CNOT2: variants seen among roughly 807,000 people sequenced by gnomAD.
CNOT2 encodes the protein CC chemokine receptor 4-negative regulator of transcription 2.
Under a neutral mutation model 72.1 loss-of-function variants are expected in CNOT2, and 7 were observed. The observed-to-expected ratio is 0.10, with a 90% CI of 0.06 to 0.18. The LOEUF (loss-of-function observed/expected upper bound fraction) is 0.18, where lower values mean the gene tolerates loss of function less well. CNOT2 is among the 10% of genes least tolerant of loss of function. The pLI is 1.00. For missense variants in CNOT2, 345 were observed against 660.3 expected, an observed-to-expected ratio of 0.52 and a Z score of 5.23; for synonymous variants, 196 against 225.6, an observed-to-expected ratio of 0.87 and a Z score of 1.17.
chr12:70,339,377 G>T (rs1881187909), intron 11 of CNOT2, among the ~76,000 whole-genome samples: 1 of 151,844 alleles, frequency 6.6e-6, no homozygotes, highest in Non-Finnish European at 1.5e-5. Flanking sequence ...TATTTTAACT[G>T]TTCTTCCAGA....
chr12:70,319,928 TGTA>T (rs916458468), intron 4 of CNOT2, among the ~76,000 whole-genome samples: 1 of 151,730 alleles, frequency 6.6e-6, no homozygotes, highest in African/African-American at 2.4e-5. Context: ...TTTAAAGTGT[TGTA>T]ATACTTTTAA....
intron 1 of CNOT2, among the ~76,000 whole-genome samples, chr12:70,253,971 G>T (rs1204126622): frequency 6.6e-6 from 1 of 152,110 alleles, no homozygotes. Context: ...AGGCGCAGTG[G>T]CTCACGCCTG....
At position 70,332,863 on chromosome 12, in the gene CNOT2, G is replaced by GC. The variant is rs1880152918; in HGVS notation, c.649+18dup. On this transcript the variant is annotated intron_variant, in intron 7 of 15. Transcript: ENST00000229195. ...ATGGAACAGGTAAGCTTATTCTGGAGCTAGTACCCTACAAAAAGTATGATA... is the reference window on the plus strand; with the variant it reads ...ATGGAACAGGTAAGCTTATTCTGGAGCCTAGTACCCTACAAAAAGTATGATA... The GC allele has an allele frequency of 2.5e-6, 4 of 1,574,496 alleles. No individual in the cohort carries two copies. The East Asian group carries it at 9.2e-5, about 36-fold the overall frequency.
At chr12:70,348,900 T>TATAC (rs1882537887) in intron 15 of CNOT2, among the ~76,000 whole-genome samples, 1 of 151,954 alleles carries the variant, frequency 6.6e-6, no homozygotes, top group African/African-American at 2.4e-5. Flanking sequence ...ATCTATCGTG[T>TATAC]ACAGTTGAGC....
At chr12:70,258,662 G>A (rs1958576325) in intron 1 of CNOT2, among the ~76,000 whole-genome samples, 1 of 152,244 alleles carries the variant, frequency 6.6e-6, no homozygotes, top group Admixed American at 6.5e-5. Flanking sequence ...TCTGACAGAT[G>A]GTGGTAAGGA....
intron 6 of CNOT2, 73 bp from the exon 7 acceptor site, chr12:70,332,692 TAC>T (rs1276770315): frequency 9.6e-6 from 14 of 1,464,258 alleles, no homozygotes; most frequent in Non-Finnish European, 1.3e-5. Flanking sequence ...AGACCAAAAA[TAC>T]ACACTTCTGT....
At chr12:70,270,532 C>T (rs1959192250) in intron 1 of CNOT2, among the ~76,000 whole-genome samples, 2 of 151,988 alleles carry the variant, frequency 1.3e-5, no homozygotes, top group Non-Finnish European at 2.9e-5. Context: ...AAATGTAAGT[C>T]CTAAGTTTTT....
Position 70,310,957 on chromosome 12 carries a change from C to A in CNOT2, c.111C>A (p.Tyr37Ter). 1 of 1,607,328 alleles carries A rather than the reference C, an allele frequency of 6.2e-7. No individual in the cohort carries two copies. Among genetic ancestry groups the A allele is most frequent in the Non-Finnish European group, 8.5e-7 (1 of 1,174,260 alleles). Reference protein sequence around the residue: ...KKFVEGVDSDYHDENMYYSQS... With the variant: ...KKFVEGVDSD Reference sequence around the variant, plus strand: ...TTGTAGAGGGGGTCGACAGTGACTACCATGACGAAAACATGTACTACAGCC... The same window carrying A: ...TTGTAGAGGGGGTCGACAGTGACTAACATGACGAAAACATGTACTACAGCC... The change falls in exon 3 of 16, where the codon TAC becomes TAA. Residue 37 changes from tyrosine (Y) to a stop codon, truncating the protein, a stop_gained. Coordinates refer to ENST00000229195, the MANE Select transcript of CNOT2 (RefSeq NM_014515.7). LOFTEE classifies it high-confidence loss of function.
At chr12:70,258,620 G>A (rs1958573196) in intron 1 of CNOT2, among the ~76,000 whole-genome samples, 1 of 152,210 alleles carries the variant, frequency 6.6e-6, no homozygotes. Context: ...ATATAGCAGT[G>A]TACAAAATAA....
At chr12:70,302,911 GTA>G (rs910626965) in intron 2 of CNOT2, among the ~76,000 whole-genome samples, 24 of 152,172 alleles carry the variant, frequency 1.6e-4, no homozygotes, top group Non-Finnish European at 5.9e-5. Context: ...TGTATTGGGT[GTA>G]TATATATTTA....
At chr12:70,266,471 T>G (rs759463239) in intron 1 of CNOT2, among the ~76,000 whole-genome samples, 7 of 152,190 alleles carry the variant, frequency 4.6e-5, no homozygotes, top group Non-Finnish European at 7.4e-5. Context: ...TGGTTAATGA[T>G]GGTGTTCTGT....
intron 2 of CNOT2, chr12:70,301,806 T>C (rs1213692177): frequency 6.6e-6 from 1 of 152,268 alleles, no homozygotes; most frequent in East Asian, 1.9e-4. Flanking sequence ...TACCAGCTCC[T>C]CCTTGTACCT....
At chr12:70,333,583 G>A (rs896191442) in intron 7 of CNOT2, among the ~76,000 whole-genome samples, 6 of 151,914 alleles carry the variant, frequency 3.9e-5, no homozygotes, top group Non-Finnish European at 7.4e-5. Flanking sequence ...AGGATTAAAT[G>A]TAAAGGAAGT....
chr12:70,305,476 A>G (rs1163622186), intron 2 of CNOT2, among the ~76,000 whole-genome samples: 1 of 152,224 alleles, frequency 6.6e-6, no homozygotes, highest in Non-Finnish European at 1.5e-5. Context: ...CAGCTAGGAA[A>G]TGACCGTAGA....
chr12:70,319,740 A>G (rs954266938), intron 4 of CNOT2, among the ~76,000 whole-genome samples: 1 of 144,784 alleles, frequency 6.9e-6, no homozygotes, highest in African/African-American at 2.5e-5. Context: ...GTGTGTGTGT[A>G]TGTGCACGCC....
chr12:70,310,934 G>A lies in CNOT2; in HGVS notation c.88G>A (p.Val30Ile). The change falls in exon 3 of 16, where the codon GTA (valine) becomes ATA (isoleucine). Residue 30 changes from valine (V) to isoleucine (I), a missense_variant. Physicochemically the swap from Val to Ile is conservative, Grantham distance 29 (BLOSUM62 3). Transcript: ENST00000229195. ...GTTTGGTGCTTCAAGAAAGAAGTTT[G>A]TAGAGGGGGTCGACAGTGACTACCA... is the stretch of plus-strand genomic sequence containing the variant. ...SMFGASRKKF[V>I]EGVDSDYHDE... The A allele has an allele frequency of 6.2e-7, 1 of 1,611,588 alleles. No individual in the cohort carries two copies. The highest frequency in any genetic ancestry group is 8.5e-7 in the Non-Finnish European group (1 of 1,178,114).
chr12:70,333,205 T>A (rs1398874166), intron 7 of CNOT2, among the ~76,000 whole-genome samples: 2 of 151,940 alleles, frequency 1.3e-5, no homozygotes, highest in Middle Eastern at 6.3e-3. Flanking sequence ...TAGACTAGGT[T>A]GGGTGGTATG....
At chr12:70,260,143 A>G (rs1958678292) in intron 1 of CNOT2, among the ~76,000 whole-genome samples, 1 of 152,172 alleles carries the variant, frequency 6.6e-6, no homozygotes, top group Non-Finnish European at 1.5e-5. Flanking sequence ...CTGCTCCATG[A>G]ATTTCCATAT....
At chr12:70,258,178 C>T (rs1593047208) in intron 1 of CNOT2, among the ~76,000 whole-genome samples, 2 of 152,152 alleles carry the variant, frequency 1.3e-5, no homozygotes, top group East Asian at 3.9e-4. Flanking sequence ...TCCGTGGTCC[C>T]CTCCCAAGCA....
Sources: allele counts gnomAD v4.1 joint callset (sites outside exome capture counted in the v4.1 genomes callset), GRCh38; gene constraint gnomAD v4.1.1; transcripts MANE v1.5; gene names NCBI Gene and HGNC (gene_info 2026-07-23, HGNC 2026-07-21).